The following F13A1 variants were observed in gnomAD, a reference collection of about 807,000 sequenced individuals.
F13A1 encodes FSF, A subunit.
F13A1 carries 47 observed loss-of-function variants against 80.1 expected under a neutral mutation model. The observed-to-expected ratio is 0.59, with a 90% CI of 0.46 to 0.75. The LOEUF (loss-of-function observed/expected upper bound fraction) is 0.75, where lower values mean the gene tolerates loss of function less well. F13A1 is among the 30% of genes least tolerant of loss of function. The pLI is 0.00. For synonymous variants in F13A1, 349 were observed against 344.9 expected (o/e 1.01, Z -0.13); for missense variants, 817 against 930.4 (o/e 0.88, Z 1.59).
intron 8 of F13A1, among the ~76,000 whole-genome samples, chr6:6,219,844 T>G (rs1407586878): frequency 2.0e-5 from 3 of 152,200 alleles, no homozygotes; most frequent in Non-Finnish European, 2.9e-5. Flanking sequence ...ACCGCTTTGA[T>G]GTACTTGGGT....
chr6:6,273,919 C>T (rs1757953807), intron 3 of F13A1, among the ~76,000 whole-genome samples: 1 of 152,090 alleles, frequency 6.6e-6, no homozygotes, highest in South Asian at 2.1e-4. Context: ...AAGAAACAAT[C>T]AAAAAGGCAC....
chr6:6,223,694 T>A (rs999106314), intron 7 of F13A1, among the ~76,000 whole-genome samples: 30 of 152,158 alleles, frequency 2.0e-4, no homozygotes, highest in East Asian at 9.6e-4. Context: ...TTTTTTTTTT[T>A]AAATTTAGAT....
intron 7 of F13A1, 140 bp from the exon 8 acceptor site, chr6:6,222,311 G>A (rs770880674): frequency 1.0e-5 from 12 of 1,192,502 alleles, no homozygotes; most frequent in Non-Finnish European, 1.4e-5. Flanking sequence ...AATGTTCCAT[G>A]CTGGAAAAGG....
rs367739901 is a variant in F13A1, at chr6:6,318,527, G to T, written c.130+8C>A. 3 of 1,610,232 alleles carry T rather than the reference G, an allele frequency of 1.9e-6. No homozygotes were observed. The highest frequency in any genetic ancestry group is 2.5e-6 in the Non-Finnish European group (3 of 1,178,896). ...CCAGAGTGGTGGGGAAGGGGGGTAT[G>T]CTCATACCTTGCAGGTTGACGCCCC... On this transcript the variant is annotated splice_region_variant and intron_variant, in intron 2 of 14. Coordinates refer to ENST00000264870, the MANE Select transcript of F13A1 (RefSeq NM_000129.4).
intron 6 of F13A1, among the ~76,000 whole-genome samples, chr6:6,246,104 T>C (rs1423930001): frequency 2.0e-5 from 3 of 152,226 alleles, no homozygotes; most frequent in South Asian, 2.1e-4. Context: ...CATCTTTTCA[T>C]ACTAATAAAG....
At chr6:6,206,812 A>G (rs1261946748) in intron 8 of F13A1, among the ~76,000 whole-genome samples, 1 of 151,172 alleles carries the variant, frequency 6.6e-6, no homozygotes, top group African/African-American at 2.4e-5. Context: ...GGATATACAT[A>G]CAATAATATG....
intron 8 of F13A1, among the ~76,000 whole-genome samples, chr6:6,206,797 T>C (rs1186060695): frequency 6.7e-6 from 1 of 150,368 alleles, no homozygotes; most frequent in Admixed American, 6.7e-5. Flanking sequence ...AATGGAGAAA[T>C]AAAAGGATAT....
chr6:6,265,501 G>C lies in F13A1; in HGVS notation c.571+1057C>G, dbSNP rs1757831524. Reference sequence around the variant, plus strand: ...TATGAAAGGGCAGAGATGAAGATGAGGAGAAAATGCTATGTGTGACTGAGG... The same window carrying C: ...TATGAAAGGGCAGAGATGAAGATGACGAGAAAATGCTATGTGTGACTGAGG... On this transcript the variant is annotated intron_variant, in intron 4 of 14. Coordinates refer to ENST00000264870, the MANE Select transcript of F13A1 (RefSeq NM_000129.4). 2.0e-5 allele frequency among the ~76,000 whole-genome samples: 3 copies of C among 152,164 alleles called. No individual in the cohort carries two copies. The South Asian group carries it at 6.2e-4, about 32-fold the overall frequency.
chr6:6,149,801 C>G (rs1296119575), intron 14 of F13A1, among the ~76,000 whole-genome samples: 1 of 152,176 alleles, frequency 6.6e-6, no homozygotes, highest in Non-Finnish European at 1.5e-5. Context: ...CCTAGACTTA[C>G]GTGTTGCAGT....
intron 2 of F13A1, among the ~76,000 whole-genome samples, chr6:6,313,423 A>C (rs1758635493): frequency 6.6e-6 from 1 of 150,974 alleles, no homozygotes; most frequent in African/African-American, 2.4e-5. Context: ...AGAAAAGAAA[A>C]AAATCTCCGG....
At chr6:6,280,033 T>C (rs924057914) in intron 3 of F13A1, among the ~76,000 whole-genome samples, 2 of 152,174 alleles carry the variant, frequency 1.3e-5, no homozygotes, top group African/African-American at 4.8e-5. Context: ...TGAGTTTGCA[T>C]TGCCAGAGAT....
intron 10 of F13A1, among the ~76,000 whole-genome samples, chr6:6,193,084 G>T (rs1267890278): frequency 6.6e-6 from 1 of 152,140 alleles, no homozygotes; most frequent in South Asian, 2.1e-4. Flanking sequence ...ACCCACTGCA[G>T]CAGGGAGGAC....
At chr6:6,199,303 C>T (rs1284049766) in intron 8 of F13A1, among the ~76,000 whole-genome samples, 1 of 152,086 alleles carries the variant, frequency 6.6e-6, no homozygotes, top group Non-Finnish European at 1.5e-5. Flanking sequence ...TCCTGGTTAA[C>T]ACGGTGAAAC....
At chr6:6,218,170 T>C (rs1757132120) in intron 8 of F13A1, among the ~76,000 whole-genome samples, 1 of 152,204 alleles carries the variant, frequency 6.6e-6, no homozygotes, top group Non-Finnish European at 1.5e-5. Context: ...AAGCCTTTCA[T>C]TGAAAAATCT....
chr6:6,177,860 C>T (rs538712922), intron 11 of F13A1, among the ~76,000 whole-genome samples: 22 of 152,170 alleles, frequency 1.4e-4, no homozygotes, highest in Admixed American at 1.0e-3. Flanking sequence ...GTTTTTGGAG[C>T]GAGGGCAAGA....
chr6:6,148,935 G>T lies in F13A1; in HGVS notation c.2045+2878C>A, dbSNP rs571658352. On this transcript the variant is annotated intron_variant, in intron 14 of 14. Coordinates refer to ENST00000264870, the MANE Select transcript of F13A1 (RefSeq NM_000129.4). ...TTGGAGGAAGGGCATCATGGTAAGT[G>T]AAATAAACCAGACATGGAAAGACAA... 2.0e-5 allele frequency among the ~76,000 whole-genome samples: 3 copies of T among 151,370 alleles called. No individual in the cohort carries two copies. The South Asian group carries it at 6.2e-4, about 32-fold the overall frequency.
chr6:6,275,191 A>T (rs1052123806), intron 3 of F13A1, among the ~76,000 whole-genome samples: 3 of 150,912 alleles, frequency 2.0e-5, no homozygotes, highest in African/African-American at 7.3e-5. Context: ...TCTTTGACTG[A>T]CTCTCGGGGG....
chr6:6,301,423 C>G (rs995121911), intron 3 of F13A1, among the ~76,000 whole-genome samples: 7 of 152,204 alleles, frequency 4.6e-5, no homozygotes, highest in African/African-American at 1.7e-4. Context: ...GAAACATCTT[C>G]AAATGTGTGT....
chr6:6,217,475 C>G (rs1349520536), intron 8 of F13A1, among the ~76,000 whole-genome samples: 1 of 138,530 alleles, frequency 7.2e-6, no homozygotes, highest in Non-Finnish European at 1.5e-5. Context: ...GGGAATTGAA[C>G]AATGAGAACA....
Sources: allele counts gnomAD v4.1 joint callset (sites outside exome capture counted in the v4.1 genomes callset), GRCh38; gene constraint gnomAD v4.1.1; transcripts MANE v1.5; gene names NCBI Gene and HGNC (gene_info 2026-07-23, HGNC 2026-07-21).